Variants in CAPN8 observed in about 807,000 individuals in gnomAD.
CAPN8 encodes calpain 8.
CAPN8 carries 87 observed loss-of-function variants against 80.9 expected under a neutral mutation model. The observed-to-expected ratio is 1.07, with a 90% CI of 0.90 to 1.28. The LOEUF (loss-of-function observed/expected upper bound fraction) is 1.28, where lower values mean the gene tolerates loss of function less well. CAPN8 is among the 50% of genes most tolerant of loss of function. CAPN8 has a pLI of 0.00. For missense variants in CAPN8, 757 were observed against 702.0 expected, an observed-to-expected ratio of 1.08 and a Z score of -0.89; for synonymous variants, 299 against 273.8, an observed-to-expected ratio of 1.09 and a Z score of -0.91.
chr1:223,544,222 G>T, intron 18 of CAPN8, 39 bp from the exon 19 acceptor site: 1 of 714,954 alleles, frequency 1.4e-6, no homozygotes. Context: ...GTAGAGTGGA[G>T]GACTCAGCAC....
At position 223,618,219 on chromosome 1, in the gene CAPN8, T is replaced by A; in HGVS notation, c.1135+1074A>T. 3 of 1,550,264 alleles carry A rather than the reference T, an allele frequency of 1.9e-6. No individual in the cohort carries two copies. In the East Asian group the frequency reaches 7.3e-5, roughly 38 times the overall value. On this transcript the variant is annotated intron_variant, in intron 9 of 20. Transcript: ENST00000366872. ...TTTTCTTCATTTCTCCTTAGAGATG[T>A]GGGGCTGTCTTCCTGAGTTTCTTCA...
At chr1:223,623,771 A>G (rs758452376) in intron 6 of CAPN8, among the ~76,000 whole-genome samples, 18 of 152,146 alleles carry the variant, frequency 1.2e-4, no homozygotes, top group Non-Finnish European at 2.2e-4. Flanking sequence ...CGAGGTGGGC[A>G]GATCATGAGG....
chr1:223,649,694 T>C (rs1344510901), intron 2 of CAPN8, among the ~76,000 whole-genome samples: 1 of 152,116 alleles, frequency 6.6e-6, no homozygotes, highest in Non-Finnish European at 1.5e-5. Context: ...CAAAGGAAAA[T>C]GAAAAATACA....
chr1:223,656,769 C>T (rs1019135452), intron 1 of CAPN8, among the ~76,000 whole-genome samples: 10 of 150,652 alleles, frequency 6.6e-5, no homozygotes, highest in African/African-American at 1.2e-4. Flanking sequence ...CTGCAAGCTC[C>T]GCCTCCCGGG....
At chr1:223,625,698 A>G (rs1208308889) in intron 6 of CAPN8, 107 bp downstream of exon 6, 15 of 993,570 alleles carry the variant, frequency 1.5e-5, no homozygotes, top group Non-Finnish European at 2.3e-5. Flanking sequence ...CTCAAAAGCC[A>G]ATTCCGAACC....
At chr1:223,632,524 C>A (rs1211096012) in intron 2 of CAPN8, among the ~76,000 whole-genome samples, 1 of 151,890 alleles carries the variant, frequency 6.6e-6, no homozygotes, top group African/African-American at 2.4e-5. Context: ...AGTCATGTGC[C>A]ACCATGCCGA....
At chr1:223,649,222 T>C (rs192262661) in intron 2 of CAPN8, among the ~76,000 whole-genome samples, 134 of 152,320 alleles carry the variant, frequency 8.8e-4, no homozygotes, top group African/African-American at 3.2e-3. Context: ...ACGATTCAAG[T>C]CCTGTTGCAT....
chr1:223,630,877 G>T (rs536915679), intron 2 of CAPN8, among the ~76,000 whole-genome samples: 1 of 152,098 alleles, frequency 6.6e-6, no homozygotes, highest in Non-Finnish European at 1.5e-5. Flanking sequence ...AACTTCCAAA[G>T]GTTGAGCAAA....
chr1:223,656,744 C>A (rs1309738896), intron 1 of CAPN8, among the ~76,000 whole-genome samples: 1 of 139,692 alleles, frequency 7.2e-6, no homozygotes, highest in Admixed American at 7.8e-5. Context: ...AATGCAGTGG[C>A]GCGATCTCGG....
intron 2 of CAPN8, among the ~76,000 whole-genome samples, chr1:223,634,976 T>G (rs945495556): frequency 6.6e-6 from 1 of 152,218 alleles, no homozygotes; most frequent in Non-Finnish European, 1.5e-5. Context: ...TCGGCTAGTT[T>G]ATGTTTCCCT....
chr1:223,622,791 G>A, intron 7 of CAPN8, 24 bp downstream of exon 7: 2 of 1,538,304 alleles, frequency 1.3e-6, no homozygotes, highest in Non-Finnish European at 1.8e-6. Context: ...GAGATGACTG[G>A]AGAAGCGGGG....
intron 15 of CAPN8, 98 bp from the exon 16 acceptor site, chr1:223,549,480 G>A (rs144680348): frequency 1.3e-6 from 2 of 1,529,962 alleles, no homozygotes; most frequent in African/African-American, 2.7e-5. Context: ...ACCATCCAAG[G>A]GTGTGGAACC....
At chr1:223,545,499 A>G (rs1656597830) in intron 16 of CAPN8, 200 bp from the exon 17 acceptor site, 2 of 791,648 alleles carry the variant, frequency 2.5e-6, no homozygotes, top group Non-Finnish European at 3.9e-6. Flanking sequence ...CTCTCCTCTG[A>G]GGCCAGGCAC....
At chr1:223,642,811 GC>G in intron 2 of CAPN8, 1 of 456,246 alleles carries the variant, frequency 2.2e-6, no homozygotes, top group Non-Finnish European at 4.4e-6. Flanking sequence ...AGCCCACCAG[GC>G]CAATTCTCAT....
chr1:223,628,765 A>G lies in CAPN8; in HGVS notation c.323T>C (p.Leu108Pro). The G allele has an allele frequency of 1.3e-6, 2 of 1,554,652 alleles. No homozygotes were observed. Among genetic ancestry groups the G allele is most frequent in the Non-Finnish European group, 8.7e-7 (1 of 1,148,864 alleles). ...CQGGLGDCWL[L>P]AAIASLTLNE... ...CAGGGTCAGGGAGGCAATGGCAGCC[A>G]GAAGCCAGCAGTCACCTGCACAGTG... is the stretch of plus-strand genomic sequence containing the variant. Residue 108 changes from leucine to proline, a missense_variant, in exon 3 of 21, where the codon CTG becomes CCG. Leu to Pro is a moderately conservative substitution (Grantham distance 98). Transcript: ENST00000366872.
At chr1:223,644,722 C>T (rs150431542) in intron 2 of CAPN8, among the ~76,000 whole-genome samples, 1 of 152,244 alleles carries the variant, frequency 6.6e-6, no homozygotes, top group African/African-American at 2.4e-5. Flanking sequence ...ACATCCAGCT[C>T]GAGCTAGGTG....
rs2102701376 is a variant in CAPN8 at position 223,616,164 on chromosome 1, A to G, written c.1136-19T>C. 6.5e-7 allele frequency: 1 copy of G among 1,540,334 alleles called. No homozygotes were observed. The highest frequency in any genetic ancestry group is 1.4e-5 in the African/African-American group (1 of 72,966). Reference sequence around the variant, plus strand: ...TACGTGGCTGGAAGTCACCCAGGTGATGGTGGTTCCCCACGTAGCGGGTGA... The same window carrying G: ...TACGTGGCTGGAAGTCACCCAGGTGGTGGTGGTTCCCCACGTAGCGGGTGA... On this transcript the variant is annotated intron_variant, in intron 9 of 20. Transcript: ENST00000366872.
chr1:223,612,065 G>A (rs1238266584), intron 11 of CAPN8, among the ~76,000 whole-genome samples, 181 bp downstream of exon 11: 1 of 152,176 alleles, frequency 6.6e-6, no homozygotes, highest in Non-Finnish European at 1.5e-5. Context: ...GACTTGCAAT[G>A]GTCCTCACCC....
At chr1:223,622,598 A>C (rs1286877908) in intron 7 of CAPN8, 13 of 558,814 alleles carry the variant, frequency 2.3e-5, no homozygotes, top group African/African-American at 1.3e-4. Context: ...TCAAATGCCA[A>C]AGCAGAAAGC....
Sources: allele counts gnomAD v4.1 joint callset (sites outside exome capture counted in the v4.1 genomes callset), GRCh38; gene constraint gnomAD v4.1.1; transcripts MANE v1.5; gene names NCBI Gene and HGNC (gene_info 2026-07-23, HGNC 2026-07-21).